Variants in HTR3B observed in about 807,000 individuals in gnomAD.
HTR3B encodes the protein 5-hydroxytryptamine receptor 3B, also known as 5-hydroxytryptamine (serotonin) receptor 3B, ionotropic.
In HTR3B, 44 loss-of-function variants were observed where a neutral mutation model predicts 42.8. The ratio of observed to expected loss-of-function variants is 1.03; its 90% CI spans 0.81 to 1.32. HTR3B has a LOEUF of 1.32. HTR3B is among the 40% of genes most tolerant of loss of function. The pLI is 0.00. For synonymous variants in HTR3B, 203 were observed against 209.0 expected (o/e 0.97, Z 0.25); for missense variants, 527 against 536.5 (o/e 0.98, Z 0.17).
Position 113,932,439 on chromosome 11 carries a change from C to T in HTR3B, c.519C>T (p.Phe173=), listed in dbSNP as rs1041300749. Residue 173 remains phenylalanine, a synonymous_variant, in exon 5 of 9, where the codon TTC becomes TTT. Transcript: ENST00000260191. The part of the protein sequence containing the change: ...PFDVQNCSLT[F]KSILHTVEDV... ...ATGTCCAGAATTGCAGCCTGACCTTCAAGAGCATTCTGCATACAGGTAAAC... is the reference window on the plus strand; with the variant it reads ...ATGTCCAGAATTGCAGCCTGACCTTTAAGAGCATTCTGCATACAGGTAAAC... 3 of 1,613,912 alleles carry T rather than the reference C, an allele frequency of 1.9e-6. No homozygotes were observed. The highest frequency in any genetic ancestry group is 1.7e-5 in the Admixed American group (1 of 60,014).
intron 6 of HTR3B, among the ~76,000 whole-genome samples, chr11:113,940,392 A>G (rs1359090872): frequency 6.6e-6 from 1 of 152,162 alleles, no homozygotes; most frequent in Non-Finnish European, 1.5e-5. Context: ...ATGGGCCACA[A>G]CATAATACCC....
intron 2 of HTR3B, among the ~76,000 whole-genome samples, chr11:113,922,500 C>T (rs759576759): frequency 5.5e-4 from 84 of 152,138 alleles, no homozygotes; most frequent in Middle Eastern, 3.2e-3. Context: ...TCCCAAAGTG[C>T]TGGGATTACA....
intron 2 of HTR3B, among the ~76,000 whole-genome samples, chr11:113,913,270 G>A (rs1468159311): frequency 2.0e-5 from 3 of 148,740 alleles, no homozygotes; most frequent in Admixed American, 6.8e-5. Context: ...TGCAGCCGCC[G>A]CCTCCAGGGT....
intron 2 of HTR3B, among the ~76,000 whole-genome samples, chr11:113,925,417 GTT>G (rs201996305): frequency 2.4e-3 from 241 of 100,720 alleles, no homozygotes; most frequent in African/African-American, 8.4e-3. Flanking sequence ...TTACGAATTT[GTT>G]TTTTTTTTTT....
chr11:113,925,450 G>A (rs564754446), intron 2 of HTR3B, among the ~76,000 whole-genome samples: 56 of 128,792 alleles, frequency 4.3e-4, no homozygotes, highest in African/African-American at 1.6e-3. Context: ...TTGAAACAGA[G>A]GCTCTCTCTA....
intron 6 of HTR3B, among the ~76,000 whole-genome samples, chr11:113,941,225 T>C (rs904022047): frequency 6.6e-5 from 10 of 152,226 alleles, no homozygotes; most frequent in Non-Finnish European, 1.3e-4. Flanking sequence ...GGGTCCAGAA[T>C]ACTCATTTGT....
At chr11:113,944,862 C>T (rs1950164906) in intron 8 of HTR3B, 107 bp downstream of exon 8, 1 of 986,932 alleles carries the variant, frequency 1.0e-6, no homozygotes, top group Non-Finnish European at 1.5e-6. Context: ...GAAAAACCTA[C>T]AACAACTGCT....
rs1950045806 is a variant in HTR3B, at chr11:113,932,448, T to G, written c.528T>G (p.Ile176Met). 1 of 1,613,670 alleles carries G rather than the reference T, an allele frequency of 6.2e-7. No homozygotes were observed. The highest frequency in any genetic ancestry group is 8.5e-7 in the Non-Finnish European group (1 of 1,179,670). ...ATTGCAGCCTGACCTTCAAGAGCAT[T>G]CTGCATACAGGTAAACCATGAGAGA... is the stretch of plus-strand genomic sequence containing the variant. ...VQNCSLTFKS[I>M]LHTVEDVDLA... Residue 176 changes from isoleucine to methionine, a missense_variant, in exon 5 of 9, where the codon ATT (isoleucine) becomes ATG (methionine). Transcript: ENST00000260191.
At chr11:113,943,261 G>C in intron 7 of HTR3B, 69 bp downstream of exon 7, 1 of 1,322,390 alleles carries the variant, frequency 7.6e-7, no homozygotes, top group Admixed American at 1.9e-5. Context: ...TGCTGGCCAG[G>C]CATGGTGGCT....
chr11:113,912,291 C>A (rs948946809), intron 2 of HTR3B, among the ~76,000 whole-genome samples: 1 of 151,736 alleles, frequency 6.6e-6, no homozygotes, highest in Non-Finnish European at 1.5e-5. Flanking sequence ...TTACCCAGGC[C>A]GGAGTGCAGT....
intron 6 of HTR3B, among the ~76,000 whole-genome samples, chr11:113,934,158 A>C (rs1366580854): frequency 6.6e-5 from 10 of 152,208 alleles, no homozygotes; most frequent in Non-Finnish European, 2.9e-5. Flanking sequence ...AGGCCAAGGC[A>C]GGCAGATCAT....
intron 2 of HTR3B, among the ~76,000 whole-genome samples, chr11:113,916,190 G>A (rs939405017): frequency 1.3e-5 from 2 of 152,148 alleles, no homozygotes; most frequent in African/African-American, 4.8e-5. Flanking sequence ...TCTCAATGTA[G>A]TTTTTAATTT....
intron 2 of HTR3B, among the ~76,000 whole-genome samples, chr11:113,930,367 T>A (rs1469656577): frequency 1.3e-5 from 2 of 152,126 alleles, no homozygotes; most frequent in Non-Finnish European, 2.9e-5. Context: ...TGAGTTAATG[T>A]TTATATACGG....
upstream of HTR3B, among the ~76,000 whole-genome samples, chr11:113,900,293 A>G (rs1207783160): frequency 1.3e-5 from 2 of 152,032 alleles, no homozygotes; most frequent in Non-Finnish European, 2.9e-5. Context: ...CTAGCCCCTC[A>G]TGATTCCAAA....
chr11:113,934,625 T>C (rs1238564745), intron 6 of HTR3B, among the ~76,000 whole-genome samples: 1 of 152,140 alleles, frequency 6.6e-6, no homozygotes, highest in South Asian at 2.1e-4. Context: ...CTGGCTAGTA[T>C]AATCGCAACT....
At position 113,931,768 on chromosome 11, in the gene HTR3B, A is replaced by G; in HGVS notation, c.269A>G (p.Asp90Gly). Residue 90 changes from aspartate to glycine, a missense_variant, in exon 4 of 9, where the codon GAT becomes GGT. By Grantham distance (94) the Asp-to-Gly change is moderately conservative (BLOSUM62 -1). Transcript: ENST00000260191. ...TSVWYQEVWNDEFLSWNSSMF... is the reference protein window; with the variant it reads ...TSVWYQEVWNGEFLSWNSSMF... ...GGCTACTACTAACAGGTCTGGAATG[A>G]TGAATTTTTATCCTGGAACTCCAGC... 4 of 1,606,612 alleles carry G rather than the reference A, an allele frequency of 2.5e-6. No homozygotes were observed. Among genetic ancestry groups the G allele is most frequent in the Non-Finnish European group, 3.4e-6 (4 of 1,173,082 alleles).
intron 5 of HTR3B, 108 bp from the exon 6 acceptor site, chr11:113,932,828 C>A: frequency 9.1e-7 from 1 of 1,099,664 alleles, no homozygotes; most frequent in South Asian, 1.4e-5. Context: ...GAGACTGTGC[C>A]TATGGGGGCA....
At chr11:113,942,238 T>C (rs1287322616) in intron 6 of HTR3B, among the ~76,000 whole-genome samples, 1 of 152,012 alleles carries the variant, frequency 6.6e-6, no homozygotes, top group African/African-American at 2.4e-5. Flanking sequence ...GTCGCACCAC[T>C]GCACTCCAGC....
chr11:113,915,648 CAT>C (rs1949844700), intron 2 of HTR3B, among the ~76,000 whole-genome samples: 1 of 152,120 alleles, frequency 6.6e-6, no homozygotes, highest in African/African-American at 2.4e-5. Context: ...TAAACATTTG[CAT>C]ATGTTTTTCT....
Sources: allele counts gnomAD v4.1 joint callset (sites outside exome capture counted in the v4.1 genomes callset), GRCh38; gene constraint gnomAD v4.1.1; transcripts MANE v1.5; gene names NCBI Gene and HGNC (gene_info 2026-07-23, HGNC 2026-07-21).